ROBO2: variants seen among roughly 807,000 people sequenced by gnomAD.
The protein encoded by ROBO2 is roundabout guidance receptor 2.
ROBO2 carries 53 observed loss-of-function variants against 160.8 expected under a neutral mutation model. That is an observed-to-expected ratio of 0.33 (90% CI 0.26 to 0.41). ROBO2 has a LOEUF of 0.41. Among genes scored for constraint, ROBO2 ranks in the 10% least tolerant of loss-of-function variants. The probability of loss-of-function intolerance (pLI) is 1.00; values close to 1 mark genes in which losing one functional copy is unlikely to be tolerated. For synonymous variants in ROBO2, 664 were observed against 611.7 expected (o/e 1.09, Z -1.26); for missense variants, 1,577 against 1,722.4 (o/e 0.92, Z 1.49).
intron 2 of ROBO2, among the ~76,000 whole-genome samples, chr3:76,314,306 A>G (rs1042568284): frequency 9.2e-5 from 14 of 152,294 alleles, no homozygotes; most frequent in Non-Finnish European, 1.8e-4. Flanking sequence ...TAATTATTTT[A>G]TGTTCGATTA....
chr3:75,966,315 G>A (rs1156276525), intron 2 of ROBO2, among the ~76,000 whole-genome samples: 3 of 151,554 alleles, frequency 2.0e-5, no homozygotes, highest in Non-Finnish European at 4.4e-5. Flanking sequence ...AATGTGTCAT[G>A]AATTAATTTG....
chr3:76,834,427 C>G (rs932818427), intron 2 of ROBO2, among the ~76,000 whole-genome samples: 3 of 151,842 alleles, frequency 2.0e-5, no homozygotes, highest in Non-Finnish European at 2.9e-5. Context: ...TGCAGGGGCA[C>G]CATCTTGGAT....
At chr3:77,371,396 C>A (rs550257969) in intron 2 of ROBO2, among the ~76,000 whole-genome samples, 1 of 150,754 alleles carries the variant, frequency 6.6e-6, no homozygotes, top group East Asian at 2.0e-4. Flanking sequence ...CTCCTGCCTC[C>A]CTTCTCCCTT....
intron 2 of ROBO2, among the ~76,000 whole-genome samples, chr3:76,733,319 T>G (rs2093664095): frequency 6.6e-6 from 1 of 152,226 alleles, no homozygotes; most frequent in African/African-American, 2.4e-5. Flanking sequence ...AGTTACCATT[T>G]CCCTATGACT....
chr3:77,339,976 C>T (rs192613691), intron 2 of ROBO2, among the ~76,000 whole-genome samples: 1 of 152,192 alleles, frequency 6.6e-6, no homozygotes, highest in African/African-American at 2.4e-5. Flanking sequence ...CCCCAAGTTG[C>T]AAGCTTTCCA....
At chr3:76,061,320 G>A (rs550982731) in intron 2 of ROBO2, among the ~76,000 whole-genome samples, 15 of 152,276 alleles carry the variant, frequency 9.9e-5, no homozygotes, top group African/African-American at 3.6e-4. Flanking sequence ...ATTAGGAAAT[G>A]CATCACATTT....
At chr3:77,184,712 A>G (rs1034162529) in intron 2 of ROBO2, among the ~76,000 whole-genome samples, 1 of 152,074 alleles carries the variant, frequency 6.6e-6, no homozygotes, top group Non-Finnish European at 1.5e-5. Context: ...TTTGCTTAAC[A>G]TTAGTTAATC....
intron 2 of ROBO2, among the ~76,000 whole-genome samples, chr3:76,908,120 G>A (rs779390644): frequency 3.9e-5 from 6 of 152,118 alleles, no homozygotes; most frequent in Non-Finnish European, 5.9e-5. Context: ...GATTACAGGC[G>A]TGAGCCATCA....
intron 2 of ROBO2, among the ~76,000 whole-genome samples, chr3:76,957,849 A>G (rs1163455859): frequency 4.0e-5 from 6 of 151,194 alleles, no homozygotes; most frequent in Non-Finnish European, 7.4e-5. Flanking sequence ...AAAAAAAGTG[A>G]TAAAATTTAA....
chr3:76,688,569 C>A (rs1403328632), intron 2 of ROBO2, among the ~76,000 whole-genome samples: 2 of 148,864 alleles, frequency 1.3e-5, no homozygotes, highest in Non-Finnish European at 3.0e-5. Flanking sequence ...TAATGAAAGT[C>A]TTTTTTTGTA....
Position 77,617,486 on chromosome 3 carries a change from G to A in ROBO2, c.3294-27G>A, listed in dbSNP as rs186770448. ...TATGTGTATATGTATTTGTGTCAAT[G>A]TGCATATTTTTCTCATTTAATTTCA... On this transcript the variant is annotated intron_variant, in intron 21 of 25. Coordinates refer to ENST00000461745, the Ensembl canonical transcript of ROBO2. 28 of 1,613,626 alleles carry A rather than the reference G, an allele frequency of 1.7e-5. 2 individuals carry two copies. Among genetic ancestry groups the A allele is most frequent in the Middle Eastern group, 3.4e-4 (2 of 5,966 alleles).
chr3:76,209,643 G>C (rs1703019683), intron 2 of ROBO2, among the ~76,000 whole-genome samples: 1 of 152,078 alleles, frequency 6.6e-6, no homozygotes, highest in Non-Finnish European at 1.5e-5. Context: ...ATTTTAAAGA[G>C]AGTTGACATC....
At chr3:76,103,298 A>G (rs1192766654) in intron 2 of ROBO2, among the ~76,000 whole-genome samples, 1 of 152,154 alleles carries the variant, frequency 6.6e-6, no homozygotes, top group East Asian at 1.9e-4. Context: ...TTGTCTATGT[A>G]TATCATTAGA....
chr3:77,503,816 G>A (rs2088036026), intron 5 of ROBO2, among the ~76,000 whole-genome samples: 2 of 151,890 alleles, frequency 1.3e-5, no homozygotes, highest in South Asian at 4.1e-4. Context: ...TAATTAACTG[G>A]TATGAATTAA....
At chr3:76,622,281 A>AAGGAAG (rs2089254268) in intron 2 of ROBO2, among the ~76,000 whole-genome samples, 8 of 79,476 alleles carry the variant, frequency 1.0e-4, no homozygotes, top group African/African-American at 4.7e-5. Flanking sequence ...AAAGAAAGAA[A>AAGGAAG]GAAAGAAAGA....
intron 2 of ROBO2, among the ~76,000 whole-genome samples, chr3:76,722,103 A>G (rs1032980518): frequency 6.6e-6 from 1 of 152,092 alleles, no homozygotes; most frequent in Admixed American, 6.6e-5. Flanking sequence ...GAGTGAACCA[A>G]CTGTAAACTG....
chr3:77,508,889 G>T (rs887401472), intron 5 of ROBO2, among the ~76,000 whole-genome samples: 1 of 151,918 alleles, frequency 6.6e-6, no homozygotes, highest in African/African-American at 2.4e-5. Flanking sequence ...TAGGCAACAG[G>T]GGTGCATGTG....
chr3:76,028,462 G>T (rs1180068656), intron 2 of ROBO2, among the ~76,000 whole-genome samples: 17 of 151,746 alleles, frequency 1.1e-4, no homozygotes, highest in Admixed American at 1.1e-3. Flanking sequence ...ATAAAAACAT[G>T]AAAAAATTAC....
At chr3:76,491,959 A>T (rs1359747746) in intron 2 of ROBO2, among the ~76,000 whole-genome samples, 1 of 152,086 alleles carries the variant, frequency 6.6e-6, no homozygotes, top group Non-Finnish European at 1.5e-5. Context: ...AAACAAAAAA[A>T]TTAGCTGGAT....
Sources: allele counts gnomAD v4.1 joint callset (sites outside exome capture counted in the v4.1 genomes callset), GRCh38; gene constraint gnomAD v4.1.1; transcripts MANE v1.5; gene names NCBI Gene and HGNC (gene_info 2026-07-23, HGNC 2026-07-21).